The following GRIN2B variants were observed in gnomAD, a reference collection of about 807,000 sequenced individuals.
GRIN2B encodes glutamate receptor ionotropic, NMDA 2B.
GRIN2B carries 5 observed loss-of-function variants against 114.5 expected under a neutral mutation model. That is an observed-to-expected ratio of 0.04 (90% CI 0.02 to 0.09). The LOEUF (loss-of-function observed/expected upper bound fraction) is 0.09. Ranked by LOEUF, GRIN2B falls within the 10% of genes least tolerant of loss-of-function variation. The pLI is 1.00. For missense variants in GRIN2B, 1,108 were observed against 1,943.5 expected, an observed-to-expected ratio of 0.57 and a Z score of 8.08; for synonymous variants, 787 against 745.1, an observed-to-expected ratio of 1.06 and a Z score of -0.92.
At chr12:13,604,802 T>C (rs759410263) in intron 10 of GRIN2B, among the ~76,000 whole-genome samples, 6 of 152,238 alleles carry the variant, frequency 3.9e-5, no homozygotes, top group African/African-American at 1.4e-4. Context: ...TTTATATAAC[T>C]GTCCATGACA....
At chr12:13,706,612 A>C (rs1031930204) in intron 4 of GRIN2B, among the ~76,000 whole-genome samples, 1 of 152,064 alleles carries the variant, frequency 6.6e-6, no homozygotes, top group African/African-American at 2.4e-5. Context: ...TAGCCTGAAC[A>C]TGGAATTCCC....
chr12:13,576,832 C>T (rs535722202), intron 10 of GRIN2B, among the ~76,000 whole-genome samples: 57 of 152,296 alleles, frequency 3.7e-4, no homozygotes, highest in Non-Finnish European at 7.5e-4. Flanking sequence ...GGGTTACAGG[C>T]GAGAGCCACC....
chr12:13,692,969 T>A (rs184535791), intron 4 of GRIN2B, among the ~76,000 whole-genome samples: 2 of 151,940 alleles, frequency 1.3e-5, no homozygotes, highest in East Asian at 3.9e-4. Flanking sequence ...GGTTGCTCCA[T>A]GTTGGTCAGG....
chr12:13,573,616 T>TGA (rs1316547066), intron 10 of GRIN2B, among the ~76,000 whole-genome samples: 14 of 125,460 alleles, frequency 1.1e-4, no homozygotes, highest in African/African-American at 3.8e-4. Context: ...GTGCTGTGCT[T>TGA]TGGCATCGGA....
intron 4 of GRIN2B, among the ~76,000 whole-genome samples, chr12:13,691,131 C>A (rs1197868417): frequency 2.6e-5 from 4 of 152,162 alleles, no homozygotes; most frequent in African/African-American, 7.2e-5. Context: ...CATTCTCACT[C>A]CTTCCCACTC....
At chr12:13,676,136 C>G (rs1950072068) in intron 4 of GRIN2B, among the ~76,000 whole-genome samples, 1 of 151,970 alleles carries the variant, frequency 6.6e-6, no homozygotes, top group South Asian at 2.1e-4. Flanking sequence ...GGGAGCTGAA[C>G]AATGTGAACA....
rs1372743306 is a variant in GRIN2B, at chr12:13,562,282, A to T, written c.*501T>A. On this transcript the variant is annotated 3_prime_UTR_variant, in exon 14 of 14. Transcript: ENST00000609686. The stretch of plus-strand genomic sequence containing the variant: ...CCTAGACAGATGTCATCTAAGCAGC[A>T]TGAATTTAGCCAGAGCCTCTTTCCT... The T allele has an allele frequency of 6.2e-6, 1 of 162,550 alleles. No individual in the cohort carries two copies. Among genetic ancestry groups the T allele is most frequent in the Non-Finnish European group, 1.4e-5 (1 of 74,004 alleles). 10.1% of individuals were successfully genotyped at this position (162,550 alleles called of 1,614,324 possible).
intron 3 of GRIN2B, among the ~76,000 whole-genome samples, chr12:13,863,585 G>A (rs573179061): frequency 1.3e-5 from 2 of 152,254 alleles, no homozygotes; most frequent in South Asian, 2.1e-4. Flanking sequence ...TCGCTAACTG[G>A]TTAAGAGTAT....
At chr12:13,977,996 T>C (rs1863057442) in intron 2 of GRIN2B, among the ~76,000 whole-genome samples, 1 of 152,132 alleles carries the variant, frequency 6.6e-6, no homozygotes. Context: ...CCATTGGCAT[T>C]CAAGATAAAT....
At chr12:13,935,028 G>C (rs1254440881) in intron 2 of GRIN2B, among the ~76,000 whole-genome samples, 1 of 152,090 alleles carries the variant, frequency 6.6e-6, no homozygotes, top group Non-Finnish European at 1.5e-5. Flanking sequence ...CCCTCTAAAA[G>C]AAGACCCAAG....
chr12:13,877,973 A>G (rs1219737841), intron 2 of GRIN2B, among the ~76,000 whole-genome samples: 1 of 147,564 alleles, frequency 6.8e-6, no homozygotes, highest in Non-Finnish European at 1.5e-5. Flanking sequence ...CTGAGGCAGG[A>G]GAATTGCTTG....
intron 3 of GRIN2B, among the ~76,000 whole-genome samples, chr12:13,808,878 T>C (rs1361090793): frequency 6.6e-6 from 1 of 151,700 alleles, no homozygotes; most frequent in African/African-American, 2.4e-5. Context: ...AAACCAGTCA[T>C]GACAAAAACA....
intron 4 of GRIN2B, among the ~76,000 whole-genome samples, chr12:13,698,727 T>C (rs755885682): frequency 2.0e-5 from 3 of 152,178 alleles, no homozygotes; most frequent in Non-Finnish European, 4.4e-5. Context: ...CTGTCACCCA[T>C]GCTGCAGTGC....
chr12:13,766,749 G>C (rs985256378), intron 3 of GRIN2B, among the ~76,000 whole-genome samples: 4 of 152,240 alleles, frequency 2.6e-5, no homozygotes, highest in Admixed American at 2.6e-4. Flanking sequence ...ATTTTGTTAA[G>C]ATTTTTATTC....
At chr12:13,754,762 T>C (rs1374953248) in intron 3 of GRIN2B, among the ~76,000 whole-genome samples, 1 of 152,204 alleles carries the variant, frequency 6.6e-6, no homozygotes, top group African/African-American at 2.4e-5. Flanking sequence ...ATGCTCTTTC[T>C]CTGACCTACA....
intron 4 of GRIN2B, among the ~76,000 whole-genome samples, chr12:13,690,055 T>G (rs1429718617): frequency 2.0e-5 from 3 of 152,172 alleles, no homozygotes; most frequent in African/African-American, 7.2e-5. Flanking sequence ...ATTACTTAAT[T>G]TTTTACTTGT....
intron 2 of GRIN2B, among the ~76,000 whole-genome samples, chr12:13,921,733 C>T (rs1297425706): frequency 6.6e-6 from 1 of 152,116 alleles, no homozygotes. Context: ...TCTTAGCCTA[C>T]TGGGATGCCA....
chr12:13,782,315 C>T (rs186475227), intron 3 of GRIN2B, among the ~76,000 whole-genome samples: 12 of 151,948 alleles, frequency 7.9e-5, no homozygotes, highest in Admixed American at 1.3e-4. Context: ...TCTCTCTCCC[C>T]GCTCCCTCTC....
intron 2 of GRIN2B, among the ~76,000 whole-genome samples, chr12:13,942,646 A>G (rs1171494199): frequency 6.6e-6 from 1 of 152,212 alleles, no homozygotes; most frequent in African/African-American, 2.4e-5. Flanking sequence ...TCTATTTTCT[A>G]TAAAGTTCCC....
Sources: allele counts gnomAD v4.1 joint callset (sites outside exome capture counted in the v4.1 genomes callset), GRCh38; gene constraint gnomAD v4.1.1; transcripts MANE v1.5; gene names NCBI Gene and HGNC (gene_info 2026-07-23, HGNC 2026-07-21).